Variants in CAST observed in about 807,000 individuals in gnomAD.
CAST encodes calpastatin, also known as MIR583 host.
CAST carries 76 observed loss-of-function variants against 119.6 expected under a neutral mutation model. The ratio of observed to expected loss-of-function variants is 0.64; its 90% CI spans 0.53 to 0.77. The LOEUF (loss-of-function observed/expected upper bound fraction) is 0.77. CAST is among the 30% of genes least tolerant of loss of function. CAST has a pLI of 0.00. For missense variants in CAST, 953 were observed against 946.5 expected (o/e 1.01, Z -0.09); for synonymous variants, 319 against 331.6 (o/e 0.96, Z 0.41).
chr5:96,242,230 T>C, the CAST span, among the ~76,000 whole-genome samples: 1 of 151,904 alleles, frequency 6.6e-6, no homozygotes, highest in Admixed American at 6.6e-5. Flanking sequence ...CCATCTTGAA[T>C]TGATTTTTGT....
At chr5:96,384,543 C>T in the CAST span, among the ~76,000 whole-genome samples, 1 of 152,164 alleles carries the variant, frequency 6.6e-6, no homozygotes, top group Non-Finnish European at 1.5e-5. Context: ...ACTCATCTTC[C>T]TCACTGACCA....
chr5:96,047,597 TG>T, the CAST span, among the ~76,000 whole-genome samples: 1 of 152,182 alleles, frequency 6.6e-6, no homozygotes, highest in African/African-American at 2.4e-5. Flanking sequence ...GTAAAATAGG[TG>T]GGCACTTTGA....
the CAST span, among the ~76,000 whole-genome samples, chr5:95,992,102 C>T: frequency 1.2e-4 from 18 of 152,114 alleles, no homozygotes; most frequent in African/African-American, 4.3e-4. Context: ...TATGCAGCAG[C>T]TACTTAAAGG....
the CAST span, among the ~76,000 whole-genome samples, chr5:96,174,355 T>C: frequency 1.3e-5 from 2 of 152,324 alleles, no homozygotes; most frequent in South Asian, 4.1e-4. Flanking sequence ...AATTAGTCCA[T>C]GAAACAATCA....
chr5:96,671,469 A>T (rs961868582), intron 1 of CAST, among the ~76,000 whole-genome samples: 30 of 152,186 alleles, frequency 2.0e-4, no homozygotes, highest in African/African-American at 7.0e-4. Context: ...GTTAGCTTTT[A>T]ACTAGATCCA....
chr5:96,376,496 A>G, the CAST span, among the ~76,000 whole-genome samples: 1 of 151,222 alleles, frequency 6.6e-6, no homozygotes, highest in Non-Finnish European at 1.5e-5. Context: ...GCTGGAGTGC[A>G]GTGGTGCAAT....
chr5:96,512,476 A>G, the CAST span, among the ~76,000 whole-genome samples: 1 of 152,208 alleles, frequency 6.6e-6, no homozygotes, highest in Non-Finnish European at 1.5e-5. Context: ...ACATAGTATA[A>G]CCTCATTAAG....
At chr5:96,423,191 C>T in the CAST span, 1 of 901,876 alleles carries the variant, frequency 1.1e-6, no homozygotes, top group Non-Finnish European at 1.8e-6. Context: ...GGGACATAAC[C>T]TTGGCCCATA....
At chr5:96,438,870 A>C in the CAST span, among the ~76,000 whole-genome samples, 1 of 152,166 alleles carries the variant, frequency 6.6e-6, no homozygotes, top group African/African-American at 2.4e-5. Flanking sequence ...AATGAAAATA[A>C]TTTTACTTTC....
the CAST span, among the ~76,000 whole-genome samples, chr5:96,490,501 A>G: frequency 1.8e-4 from 28 of 152,298 alleles, no homozygotes; most frequent in African/African-American, 6.0e-4. Flanking sequence ...AGTTCTATCC[A>G]CTGCCAAGGC....
At chr5:96,631,965 A>G (rs917342808) in intron 1 of CAST, among the ~76,000 whole-genome samples, 26 of 152,254 alleles carry the variant, frequency 1.7e-4, no homozygotes, top group African/African-American at 6.0e-4. Flanking sequence ...TCCTACCTGC[A>G]ATGTATGAAT....
chr5:96,484,763 C>G, the CAST span, among the ~76,000 whole-genome samples: 4 of 151,954 alleles, frequency 2.6e-5, no homozygotes, highest in South Asian at 8.3e-4. Context: ...AGCTGGGGGG[C>G]CATCATTAGC....
chr5:96,087,156 G>A, the CAST span, among the ~76,000 whole-genome samples: 1 of 152,186 alleles, frequency 6.6e-6, no homozygotes, highest in Admixed American at 6.5e-5. Flanking sequence ...ATATTAGACA[G>A]TATTCCGTAA....
chr5:96,053,204 A>G, the CAST span, among the ~76,000 whole-genome samples: 4 of 152,150 alleles, frequency 2.6e-5, no homozygotes, highest in African/African-American at 9.7e-5. Flanking sequence ...AAAAACTACT[A>G]ATGCCCGTGT....
the CAST span, among the ~76,000 whole-genome samples, chr5:96,375,919 A>G: frequency 6.8e-6 from 1 of 147,508 alleles, no homozygotes; most frequent in Non-Finnish European, 1.5e-5. Context: ...ATATAAATAT[A>G]TAAATATAAA....
rs1394704547 is a variant in CAST, at chr5:96,767,985, C to T, written c.2254C>T (p.Gln752Ter). Residue 752 changes from glutamine (Q) to a stop codon, truncating the protein, a stop_gained, in exon 29 of 32, where the codon CAG becomes TAG. Coordinates refer to ENST00000675179, the MANE Select transcript of CAST (RefSeq NM_001750.7). LOFTEE classifies it high-confidence loss of function. ...DSCPSTTETS[Q>*]NTAKDKCKKA... ...CTGTCCCTCCACTACAGAAACCTCA[C>T]AGAACACAGCAAAGGTACTGTGCTT... 1 of 1,609,688 alleles carries T rather than the reference C, an allele frequency of 6.2e-7. No homozygotes were observed. The highest frequency in any genetic ancestry group is 1.3e-5 in the African/African-American group (1 of 74,912).
chr5:96,576,282 G>A (rs916097361), intron 1 of CAST, among the ~76,000 whole-genome samples: 1 of 152,066 alleles, frequency 6.6e-6, no homozygotes, highest in Non-Finnish European at 1.5e-5. Flanking sequence ...TTATAAAATT[G>A]GAGTTAATTT....
chr5:96,455,313 A>C, the CAST span, among the ~76,000 whole-genome samples: 2 of 152,244 alleles, frequency 1.3e-5, no homozygotes, highest in Non-Finnish European at 2.9e-5. Flanking sequence ...TGTGCACTAA[A>C]AAATCATTCA....
the CAST span, among the ~76,000 whole-genome samples, chr5:96,449,732 A>C: frequency 5.3e-5 from 8 of 151,044 alleles, no homozygotes; most frequent in Non-Finnish European, 1.0e-4. Flanking sequence ...TATGTAATCC[A>C]TCAATGCCAT....
Sources: gnomAD v4.1 joint callset for allele counts (sites outside exome capture counted in the v4.1 genomes callset) on GRCh38, gnomAD v4.1.1 for gene constraint, MANE v1.5 for transcripts, NCBI Gene and HGNC (gene_info 2026-07-23, HGNC 2026-07-21) for gene names.